SLC25A10: variants seen among roughly 807,000 people sequenced by gnomAD.
SLC25A10 encodes the protein mitochondrial dicarboxylate carrier.
SLC25A10 carries 32 observed loss-of-function variants against 40.4 expected under a neutral mutation model. That is an observed-to-expected ratio of 0.79 (90% CI 0.60 to 1.06). SLC25A10 has a LOEUF of 1.06. SLC25A10 is among the 50% of genes least tolerant of loss of function. SLC25A10 has a pLI of 0.00. For synonymous variants in SLC25A10, 181 were observed against 171.1 expected (o/e 1.06, Z -0.45); for missense variants, 394 against 402.6 (o/e 0.98, Z 0.18).
In SLC25A10 at chr17:81,720,127, CAA is replaced by C. The variant is rs1568233303; in HGVS notation, c.*52_*53del. On this transcript the variant is annotated 3_prime_UTR_variant, in exon 11 of 11. Transcript: ENST00000350690. ...CCAGGCCAGACACGCTAGGTTCTTC[CAA>C]AGAGTCCCAAGCCCAGCACCTGCTC... The C allele has an allele frequency of 6.2e-7, 1 of 1,604,368 alleles. No individual in the cohort carries two copies. Among genetic ancestry groups the C allele is most frequent in the South Asian group, 1.1e-5 (1 of 90,748 alleles).
chr17:81,719,714 CA>C, intron 9 of SLC25A10, 116 bp from the exon 10 acceptor site: 2 of 1,252,164 alleles, frequency 1.6e-6, no homozygotes. Flanking sequence ...CACCCACACC[CA>C]CACCCCACAT....
chr17:81,713,724 C>T (rs539996933), intron 1 of SLC25A10, among the ~76,000 whole-genome samples: 14 of 152,338 alleles, frequency 9.2e-5, no homozygotes, highest in African/African-American at 1.4e-4. Flanking sequence ...GCCTCTCCCA[C>T]GTTCATCTGG....
intron 9 of SLC25A10, 87 bp from the exon 10 acceptor site, chr17:81,719,744 C>T (rs537213881): frequency 1.6e-5 from 24 of 1,515,642 alleles, no homozygotes; most frequent in East Asian, 6.8e-5. Flanking sequence ...CCCAGGCCAC[C>T]GTGCCTGGCT....
chr17:81,713,849 C>T (rs951845946), intron 1 of SLC25A10, among the ~76,000 whole-genome samples: 3 of 152,180 alleles, frequency 2.0e-5, no homozygotes, highest in Admixed American at 1.3e-4. Flanking sequence ...CTGGGGGAGG[C>T]GGGACTGCCC....
rs940379984 is a variant in SLC25A10, at chr17:81,715,990, C to G, written c.378-19C>G. Reference sequence around the variant, plus strand: ...CCCCTCGGCCCGCCCGCCCCTCCCGCCACCTGCTTCTGTTTCAGGATGCAG... The same window carrying G: ...CCCCTCGGCCCGCCCGCCCCTCCCGGCACCTGCTTCTGTTTCAGGATGCAG... On this transcript the variant is annotated intron_variant, in intron 4 of 10. Coordinates refer to ENST00000350690, the MANE Select transcript of SLC25A10 (RefSeq NM_012140.5). The G allele has an allele frequency of 6.4e-7, 1 of 1,572,216 alleles. No homozygotes were observed. Among genetic ancestry groups the G allele is most frequent in the African/African-American group, 1.4e-5 (1 of 73,954 alleles).
chr17:81,712,463 G>T lies in SLC25A10; in HGVS notation c.37G>T (p.Gly13Trp), dbSNP rs1238809688. The change falls in exon 1 of 11, where the codon GGG (glycine) becomes TGG (tryptophan). Residue 13 changes from glycine to tryptophan, a missense_variant. Transcript: ENST00000350690. ...AEARVSRWYF[G>W]GLASCGAACC... ...GGCGCGCGTGTCGCGCTGGTACTTCGGGGGGCTGGCCTCCTGCGGGGCCGC... is the reference window on the plus strand; with the variant it reads ...GGCGCGCGTGTCGCGCTGGTACTTCTGGGGGCTGGCCTCCTGCGGGGCCGC... The T allele has an allele frequency of 7.6e-7, 1 of 1,309,110 alleles. No homozygotes were observed. Among genetic ancestry groups the T allele is most frequent in the African/African-American group, 1.5e-5 (1 of 65,220 alleles). 81.1% of individuals were successfully genotyped at this position (1,309,110 alleles called of 1,614,324 possible). A position where few individuals can be genotyped will look rare whatever the true frequency, so the allele number is the denominator to read the frequency against.
chr17:81,720,464 G>A lies in SLC25A10; in HGVS notation c.*387G>A, dbSNP rs1303460665. 8 of 1,326,612 alleles carry A rather than the reference G, an allele frequency of 6.0e-6. No individual in the cohort carries two copies. Among genetic ancestry groups the A allele is most frequent in the Non-Finnish European group, 7.7e-6 (8 of 1,044,098 alleles). The allele number at this position is 1,326,612 out of a possible 1,614,324, so 82.2% of individuals were successfully genotyped here. A position where few individuals can be genotyped will look rare whatever the true frequency, so the allele number is the denominator to read the frequency against. On this transcript the variant is annotated 3_prime_UTR_variant, in exon 11 of 11. Coordinates refer to ENST00000350690, the MANE Select transcript of SLC25A10 (RefSeq NM_012140.5). ...GCATCTTCCAGCACTTTCCATCGAG[G>A]ACTTGGGTGGCAGAGTGTGGGTGCA... is the stretch of plus-strand genomic sequence containing the variant.
In SLC25A10 at chr17:81,720,301, G is replaced by T; in HGVS notation, c.*224G>T. On this transcript the variant is annotated 3_prime_UTR_variant, in exon 11 of 11. Coordinates refer to ENST00000350690, the MANE Select transcript of SLC25A10 (RefSeq NM_012140.5). Reference sequence around the variant, plus strand: ...CCGCTCTGGCTACCAGGCTCTCCCGGCTGGGCACTGCGTGGCCTTGCCCCT... The same window carrying T: ...CCGCTCTGGCTACCAGGCTCTCCCGTCTGGGCACTGCGTGGCCTTGCCCCT... The T allele has an allele frequency of 7.0e-7, 1 of 1,435,148 alleles. No homozygotes were observed. The highest frequency in any genetic ancestry group is 1.5e-5 in the South Asian group (1 of 67,694). The allele number at this position is 1,435,148 out of a possible 1,614,324, so 88.9% of individuals were successfully genotyped here.
chr17:81,714,454 C>T (rs1015740788), intron 1 of SLC25A10, among the ~76,000 whole-genome samples: 3 of 152,244 alleles, frequency 2.0e-5, no homozygotes, highest in Admixed American at 2.0e-4. Context: ...TTGTCTGCTG[C>T]TGAGCTCCTG....
At chr17:81,713,511 G>A (rs1004725436) in intron 1 of SLC25A10, 2 of 985,280 alleles carry the variant, frequency 2.0e-6, no homozygotes, top group Non-Finnish European at 2.4e-6. Flanking sequence ...GGCCAGGTGA[G>A]CAGATGTGGG....
At position 81,720,407 on chromosome 17, in the gene SLC25A10, A is replaced by T. The variant is rs555172299; in HGVS notation, c.*330A>T. ...TCTCCTGGGCCAGGGGAGGGGTATT[A>T]TCCCTGCCTCCTGCCCCCGATGCCC... On this transcript the variant is annotated 3_prime_UTR_variant, in exon 11 of 11. Coordinates refer to ENST00000350690, the MANE Select transcript of SLC25A10 (RefSeq NM_012140.5). 29 of 1,384,288 alleles carry T rather than the reference A, an allele frequency of 2.1e-5. 1 individual carries two copies. Among genetic ancestry groups the T allele is most frequent in the Non-Finnish European group, 2.5e-5 (27 of 1,075,520 alleles). 85.8% of individuals were successfully genotyped at this position (1,384,288 alleles called of 1,614,324 possible).
intron 5 of SLC25A10, among the ~76,000 whole-genome samples, chr17:81,716,516 GA>G (rs2037488851): frequency 1.3e-5 from 2 of 152,172 alleles, no homozygotes; most frequent in South Asian, 4.1e-4. Flanking sequence ...TGTGCACACA[GA>G]CTGTGTTCCC....
chr17:81,714,657 T>G (rs762841923), intron 1 of SLC25A10, among the ~76,000 whole-genome samples: 5 of 152,180 alleles, frequency 3.3e-5, no homozygotes, highest in Non-Finnish European at 7.3e-5. Flanking sequence ...TCTCCATGCC[T>G]CAGTTTCCTC....
In SLC25A10 at chr17:81,720,232, GCTC is replaced by G. The variant is rs1035542423; in HGVS notation, c.*161_*163del. Reference sequence around the variant, plus strand: ...TGCTGTCCCCCCACCTGCTGGCTGAGCTCCTCCTGGCCTCGTCCCCTCTCAGCT... The same window carrying G: ...TGCTGTCCCCCCACCTGCTGGCTGAGCTCCTGGCCTCGTCCCCTCTCAGCT... On this transcript the variant is annotated 3_prime_UTR_variant, in exon 11 of 11. Coordinates refer to ENST00000350690, the MANE Select transcript of SLC25A10 (RefSeq NM_012140.5). 21 of 1,454,908 alleles carry G rather than the reference GCTC, an allele frequency of 1.4e-5. No homozygotes were observed. In the African/African-American group the frequency reaches 2.7e-4, roughly 19 times the overall value. The allele number at this position is 1,454,908 out of a possible 1,614,324, so 90.1% of individuals were successfully genotyped here.
rs182719297 is a variant in SLC25A10 at position 81,718,818 on chromosome 17, G to A, written c.705+957G>A. Among the ~76,000 whole-genome samples, 839 of 149,468 alleles carry A rather than the reference G, an allele frequency of 5.6e-3. 14 individuals are homozygous for A. The highest frequency in any genetic ancestry group is 0.02 in the African/African-American group (808 of 40,636). On this transcript the variant is annotated intron_variant, in intron 9 of 10. Coordinates refer to ENST00000350690, the MANE Select transcript of SLC25A10 (RefSeq NM_012140.5). ...AAAAAAATTAGCTGGGCCTGGTGGC[G>A]CACGCCTGTAATCCCAGCTACTCAG...
At chr17:81,713,448 C>G in intron 1 of SLC25A10, 7 of 985,402 alleles carry the variant, frequency 7.1e-6, no homozygotes, top group Non-Finnish European at 8.4e-6. Flanking sequence ...ATTCCAGCAG[C>G]CTTTGAGGGG....
chr17:81,715,872 T>C, intron 4 of SLC25A10, 131 bp downstream of exon 4: 1 of 1,429,820 alleles, frequency 7.0e-7, no homozygotes, highest in Admixed American at 1.8e-5. Context: ...GTCCTGGGCA[T>C]AGGAGGGTGG....
chr17:81,715,847 C>A, intron 4 of SLC25A10, 106 bp downstream of exon 4: 1 of 1,493,266 alleles, frequency 6.7e-7, no homozygotes, highest in Non-Finnish European at 9.3e-7. Context: ...TGGAATAAGC[C>A]ACTGAGACCC....
At chr17:81,719,522 G>C (rs11868178) in intron 9 of SLC25A10, among the ~76,000 whole-genome samples, 106,822 of 152,148 alleles carry the variant, frequency 0.7, 39,071 homozygotes, top group East Asian at 1. Context: ...TCTCCCTGAC[G>C]CTGCCGTGCT....
Sources: allele counts gnomAD v4.1 joint callset (sites outside exome capture counted in the v4.1 genomes callset), GRCh38; gene constraint gnomAD v4.1.1; transcripts MANE v1.5; gene names NCBI Gene and HGNC (gene_info 2026-07-23, HGNC 2026-07-21).